COL26A1: variants seen among roughly 807,000 people sequenced by gnomAD.
The protein encoded by COL26A1 is collagen alpha-1(XXVI) chain.
A neutral mutation model predicts 59.3 loss-of-function variants in COL26A1; 41 were observed. That is an observed-to-expected ratio of 0.69 (90% CI 0.54 to 0.90). COL26A1 has a LOEUF of 0.90. Among genes scored for constraint, COL26A1 ranks in the 40% least tolerant of loss-of-function variants. The pLI is 0.00. For missense variants in COL26A1, 612 were observed against 602.3 expected, an observed-to-expected ratio of 1.02 and a Z score of -0.17; for synonymous variants, 266 against 256.0, an observed-to-expected ratio of 1.04 and a Z score of -0.37.
upstream of COL26A1, chr7:101,362,781 C>T (rs532879556): frequency 1.3e-3 from 691 of 517,114 alleles, 2 homozygotes; most frequent in African/African-American, 0.013. Flanking sequence ...CGGCCCCGGA[C>T]CGCCGAGGGT....
intron 3 of COL26A1, among the ~76,000 whole-genome samples, chr7:101,463,889 C>CT (rs1450043032): frequency 1.3e-5 from 1 of 79,698 alleles, no homozygotes; most frequent in Non-Finnish European, 2.4e-5. Context: ...TTCTTTCTTT[C>CT]TTTCTTTCTT....
intron 3 of COL26A1, among the ~76,000 whole-genome samples, chr7:101,493,583 A>AT (rs1242385768): frequency 6.6e-6 from 1 of 152,160 alleles, no homozygotes; most frequent in East Asian, 1.9e-4. Flanking sequence ...AGCTATGAGG[A>AT]TTATCAATGA....
intron 3 of COL26A1, among the ~76,000 whole-genome samples, chr7:101,473,267 G>A (rs1793949190): frequency 6.6e-6 from 1 of 151,100 alleles, no homozygotes; most frequent in Non-Finnish European, 1.5e-5. Flanking sequence ...TTTTAGTAGA[G>A]ACAGGGTTTC....
At chr7:101,532,311 G>A (rs963243155) in intron 3 of COL26A1, among the ~76,000 whole-genome samples, 4 of 151,934 alleles carry the variant, frequency 2.6e-5, no homozygotes, top group African/African-American at 7.3e-5. Flanking sequence ...ACTTGACCTC[G>A]AATTTCACCC....
At chr7:101,502,401 C>T (rs1218356605) in intron 3 of COL26A1, among the ~76,000 whole-genome samples, 2 of 152,188 alleles carry the variant, frequency 1.3e-5, no homozygotes, top group Non-Finnish European at 2.9e-5. Flanking sequence ...AAGAAAAATA[C>T]ACACGGAATA....
chr7:101,434,100 C>G (rs1287396450), intron 2 of COL26A1, among the ~76,000 whole-genome samples: 1 of 109,012 alleles, frequency 9.2e-6, no homozygotes, highest in African/African-American at 3.5e-5. Flanking sequence ...CTCTTTCTTT[C>G]TGCTTTCTTT....
chr7:101,546,795 G>A (rs932523219), intron 7 of COL26A1, among the ~76,000 whole-genome samples: 2 of 152,148 alleles, frequency 1.3e-5, no homozygotes, highest in African/African-American at 4.8e-5. Context: ...GCTTCCTGGA[G>A]GAGTGAGCCA....
chr7:101,477,119 C>T (rs534458573), intron 3 of COL26A1, among the ~76,000 whole-genome samples: 2 of 152,288 alleles, frequency 1.3e-5, no homozygotes, highest in East Asian at 3.9e-4. Flanking sequence ...TCTGGGATTA[C>T]AGCCATGAGC....
At chr7:101,412,838 C>T (rs569471542) in intron 1 of COL26A1, among the ~76,000 whole-genome samples, 1 of 152,170 alleles carries the variant, frequency 6.6e-6, no homozygotes, top group Non-Finnish European at 1.5e-5. Flanking sequence ...CTGGGGGAAA[C>T]TAAGAACCCT....
intron 1 of COL26A1, among the ~76,000 whole-genome samples, chr7:101,377,787 C>T (rs1325108168): frequency 6.6e-6 from 1 of 152,148 alleles, no homozygotes; most frequent in African/African-American, 2.4e-5. Context: ...GCTTTAGTCC[C>T]TCATCAGTGA....
intron 1 of COL26A1, among the ~76,000 whole-genome samples, chr7:101,418,738 C>T (rs990550847): frequency 6.6e-6 from 1 of 152,020 alleles, no homozygotes; most frequent in Admixed American, 6.6e-5. Flanking sequence ...AGTGCTGAGC[C>T]ACCACCCGGC....
intron 3 of COL26A1, among the ~76,000 whole-genome samples, chr7:101,515,093 C>T (rs1020912370): frequency 6.6e-6 from 1 of 152,206 alleles, no homozygotes; most frequent in Non-Finnish European, 1.5e-5. Flanking sequence ...GGGGCAGGAG[C>T]TTTCCTGGTT....
At chr7:101,551,238 T>TGGGGGGGGGGGGGGGGGGGGGGGGGGA in intron 10 of COL26A1, 95 bp downstream of exon 10, 2 of 491,354 alleles carry the variant, frequency 4.1e-6, no homozygotes, top group East Asian at 5.2e-5. Context: ...GGTGGGGGGG[T>TGGGGGGGGGGGGGGGGGGGGGGGGGGA]TCAGCCCTGG....
At chr7:101,513,155 C>T (rs1249510070) in intron 3 of COL26A1, among the ~76,000 whole-genome samples, 5 of 150,650 alleles carry the variant, frequency 3.3e-5, no homozygotes, top group Admixed American at 6.6e-5. Flanking sequence ...TACAGGCATG[C>T]GCCACCACAC....
Position 101,486,200 on chromosome 7 carries a change from CTCTGGGATTT to C in COL26A1, c.385+38426_385+38435del, listed in dbSNP as rs553308693. Among the ~76,000 whole-genome samples, 7 of 151,786 alleles carry C rather than the reference CTCTGGGATTT, an allele frequency of 4.6e-5. No individual in the cohort carries two copies. In the South Asian group the frequency reaches 6.3e-4, roughly 14 times the overall value. On this transcript the variant is annotated intron_variant, in intron 3 of 12. Transcript: ENST00000313669. ...AAAAAAAAAAAAGTAGTCTCAGATTCTCTGGGATTTTCTGGGATTTTCGGATCCGTCTTCA... is the reference window on the plus strand; with the variant it reads ...AAAAAAAAAAAAGTAGTCTCAGATTCTCTGGGATTTTCGGATCCGTCTTCA...
At chr7:101,401,421 G>A (rs1791991896) in intron 1 of COL26A1, among the ~76,000 whole-genome samples, 1 of 151,986 alleles carries the variant, frequency 6.6e-6, no homozygotes, top group Non-Finnish European at 1.5e-5. Flanking sequence ...GGAGCAGGAG[G>A]TGGAGGAGAA....
chr7:101,535,662 G>A (rs1795466132), intron 4 of COL26A1, among the ~76,000 whole-genome samples: 1 of 152,208 alleles, frequency 6.6e-6, no homozygotes, highest in Non-Finnish European at 1.5e-5. Context: ...GCTGGAGGGA[G>A]GGACAGCAGT....
intron 3 of COL26A1, among the ~76,000 whole-genome samples, chr7:101,468,643 A>G (rs965301574): frequency 1.3e-5 from 2 of 152,230 alleles, no homozygotes; most frequent in Non-Finnish European, 2.9e-5. Context: ...GGTCAGGTAT[A>G]AGTTATGGAG....
At chr7:101,417,834 G>A (rs929069695) in intron 1 of COL26A1, among the ~76,000 whole-genome samples, 6 of 151,780 alleles carry the variant, frequency 4.0e-5, no homozygotes, top group Non-Finnish European at 5.9e-5. Flanking sequence ...TGATTCTCCC[G>A]TCTCAGCCTC....
Sources: allele counts gnomAD v4.1 joint callset (sites outside exome capture counted in the v4.1 genomes callset), GRCh38; gene constraint gnomAD v4.1.1; transcripts MANE v1.5; gene names NCBI Gene and HGNC (gene_info 2026-07-23, HGNC 2026-07-21).